Variants in OR52A5 observed in about 807,000 individuals in gnomAD.
The protein encoded by OR52A5 is olfactory receptor family 52 subfamily A member 5, also known as olfactory receptor 52A5.
In OR52A5, 16 loss-of-function variants were observed where a neutral mutation model predicts 18.2. The ratio of observed to expected loss-of-function variants is 0.88; its 90% CI spans 0.60 to 1.34. The LOEUF (loss-of-function observed/expected upper bound fraction) is 1.34. Ranked by LOEUF, OR52A5 falls within the 40% of genes most tolerant of loss-of-function variation. The pLI is 0.00. For synonymous variants in OR52A5, 140 were observed against 137.2 expected (o/e 1.02, Z -0.14); for missense variants, 418 against 383.0 (o/e 1.09, Z -0.76).
chr11:5,131,650 T>G lies in OR52A5; in HGVS notation c.*42A>C, dbSNP rs1846337756. The G allele has an allele frequency of 8.9e-6, 11 of 1,232,528 alleles. No homozygotes were observed. Among genetic ancestry groups the G allele is most frequent in the Non-Finnish European group, 1.3e-5 (11 of 866,584 alleles). The allele number at this position is 1,232,528 out of a possible 1,614,324, so 76.3% of individuals were successfully genotyped here. ...GTGACTTTCATTATATTTAGGTTTTTACTTAGAACCAACCCTAAATCTCTA... is the reference window on the plus strand; with the variant it reads ...GTGACTTTCATTATATTTAGGTTTTGACTTAGAACCAACCCTAAATCTCTA... On this transcript the variant is annotated 3_prime_UTR_variant, in exon 2 of 2. Coordinates refer to ENST00000307388, the MANE Select transcript of OR52A5 (RefSeq NM_001005160.3).
chr11:5,132,182 G>A lies in OR52A5; in HGVS notation c.461C>T (p.Ala154Val), dbSNP rs1554906302. 1.9e-6 allele frequency: 3 copies of A among 1,614,100 alleles called. No individual in the cohort carries two copies. In the South Asian group the frequency reaches 3.3e-5, roughly 18 times the overall value. ...TAAGGAAGGTATTATAAGAATGGCA[G>A]CCCTGAGTGTCACCCCAAGTCCAAT... ...THIGLGVTLR[A>V]AILIIPSLGL... The change falls in exon 2 of 2, where the codon GCT (alanine) becomes GTT (valine). Residue 154 changes from alanine to valine, a missense_variant. By Grantham distance (64) the Ala-to-Val change is moderately conservative. Transcript: ENST00000307388.
rs1161910797 is a variant in OR52A5 at position 5,130,129 on chromosome 11, A to C, written c.*1563T>G. The C allele has an allele frequency of 1.3e-5, 2 of 151,814 alleles. No homozygotes were observed. Among genetic ancestry groups the C allele is most frequent in the Non-Finnish European group, 2.9e-5 (2 of 67,934 alleles). The allele number at this position is 151,814 out of a possible 1,614,324, so 9.4% of individuals were successfully genotyped here. A position where few individuals can be genotyped will look rare whatever the true frequency, so the allele number is the denominator to read the frequency against. Reference sequence around the variant, plus strand: ...TATGTAATGTGTTTTTTTCTGATAGACCTATGTTGAAATTTTTATTTTCTG... The same window carrying C: ...TATGTAATGTGTTTTTTTCTGATAGCCCTATGTTGAAATTTTTATTTTCTG... On this transcript the variant is annotated 3_prime_UTR_variant, in exon 2 of 2. Coordinates refer to ENST00000307388, the MANE Select transcript of OR52A5 (RefSeq NM_001005160.3).
intron 1 of OR52A5, among the ~76,000 whole-genome samples, chr11:5,136,815 A>G (rs931502474): frequency 2.6e-5 from 4 of 152,228 alleles, no homozygotes; most frequent in African/African-American, 9.6e-5. Context: ...ATTCATTCAT[A>G]AACAGAAATA....
At position 5,129,405 on chromosome 11, in the gene OR52A5, T is replaced by C. The variant is rs941645712; in HGVS notation, c.*2287A>G. 2.6e-5 allele frequency: 4 copies of C among 152,148 alleles called. No homozygotes were observed. Among genetic ancestry groups the C allele is most frequent in the African/African-American group, 9.7e-5 (4 of 41,446 alleles). The allele number at this position is 152,148 out of a possible 1,614,324, so 9.4% of individuals were successfully genotyped here. A position where few individuals can be genotyped will look rare whatever the true frequency, so the allele number is the denominator to read the frequency against. On this transcript the variant is annotated 3_prime_UTR_variant, in exon 2 of 2. Transcript: ENST00000307388. ...AATGGAGAAACTCAGACCTTTTTGA[T>C]TCCTAGCTAGGATACCTATTTATCC...
chr11:5,131,643 AG>A lies in OR52A5; in HGVS notation c.*48del. 1 of 1,034,396 alleles carries A rather than the reference AG, an allele frequency of 9.7e-7. No homozygotes were observed. Among genetic ancestry groups the A allele is most frequent in the Non-Finnish European group, 1.4e-6 (1 of 691,672 alleles). 64.1% of individuals were successfully genotyped at this position (1,034,396 alleles called of 1,614,324 possible). ...TTGATCTGTGACTTTCATTATATTT[AG>A]GTTTTTACTTAGAACCAACCCTAAA... On this transcript the variant is annotated 3_prime_UTR_variant, in exon 2 of 2. Transcript: ENST00000307388.
chr11:5,131,933 C>T lies in OR52A5; in HGVS notation c.710G>A (p.Arg237Gln), dbSNP rs1846341256. ...TVFQLPQKEA[R>Q]FKAFNTCIAH... ...AATGCATGTATTAAAGGCCTTGAAT[C>T]GTGCCTCCTTCTGGGGCAGCTGAAA... is the stretch of plus-strand genomic sequence containing the variant. Residue 237 changes from arginine (R) to glutamine (Q), a missense_variant, in exon 2 of 2, where the codon CGA becomes CAA. Physicochemically the swap from Arg to Gln is conservative, Grantham distance 43. Transcript: ENST00000307388. The T allele has an allele frequency of 1.2e-6, 2 of 1,614,106 alleles. No homozygotes were observed. Among genetic ancestry groups the T allele is most frequent in the African/African-American group, 1.3e-5 (1 of 75,042 alleles).
intron 1 of OR52A5, among the ~76,000 whole-genome samples, chr11:5,137,399 G>A (rs1846401393): frequency 6.6e-6 from 1 of 152,096 alleles, no homozygotes; most frequent in South Asian, 2.1e-4. Flanking sequence ...CTCCCTCCTA[G>A]AGTTAATCCA....
Position 5,130,092 on chromosome 11 carries a change from T to C in OR52A5, c.*1600A>G, listed in dbSNP as rs1167201601. 2 of 152,166 alleles carry C rather than the reference T, an allele frequency of 1.3e-5. No homozygotes were observed. Among genetic ancestry groups the C allele is most frequent in the African/African-American group, 4.8e-5 (2 of 41,440 alleles). 9.4% of individuals were successfully genotyped at this position (152,166 alleles called of 1,614,324 possible). On this transcript the variant is annotated 3_prime_UTR_variant, in exon 2 of 2. Transcript: ENST00000307388. ...TACTCCAGAGAATGAAAAAAAAATA[T>C]GTCTTTTAGGATATGTAATGTGTTT...
chr11:5,129,041 G>C lies in OR52A5; in HGVS notation c.*2651C>G, dbSNP rs1333474691. 2.0e-5 allele frequency: 3 copies of C among 152,110 alleles called. No individual in the cohort carries two copies. Among genetic ancestry groups the C allele is most frequent in the Non-Finnish European group, 4.4e-5 (3 of 68,022 alleles). The allele number at this position is 152,110 out of a possible 1,614,324, so 9.4% of individuals were successfully genotyped here. A position where few individuals can be genotyped will look rare whatever the true frequency, so the allele number is the denominator to read the frequency against. Reference sequence around the variant, plus strand: ...ATCACCAAGGTATTCTGTTGTCTCAGCATGCTTCTGAGAATGTTACACACA... The same window carrying C: ...ATCACCAAGGTATTCTGTTGTCTCACCATGCTTCTGAGAATGTTACACACA... On this transcript the variant is annotated 3_prime_UTR_variant, in exon 2 of 2. Transcript: ENST00000307388.
rs1221037254 is a variant in OR52A5, at chr11:5,132,287, G to A, written c.356C>T (p.Ala119Val). The change falls in exon 2 of 2, where the codon GCA (alanine) becomes GTA (valine). Residue 119 changes from alanine to valine, a missense_variant. Coordinates refer to ENST00000307388, the MANE Select transcript of OR52A5 (RefSeq NM_001005160.3). The stretch of plus-strand genomic sequence containing the variant: ...GGCCACATAGCGATCCAGGGCCATT[G>A]CCAGAAGGATACCCGATTCAATTGC... ...FQAIESGILL[A>V]MALDRYVAIC... The A allele has an allele frequency of 1.2e-6, 2 of 1,614,188 alleles. No homozygotes were observed. Among genetic ancestry groups the A allele is most frequent in the Non-Finnish European group, 1.7e-6 (2 of 1,180,024 alleles).
chr11:5,136,163 A>G (rs2133526228), intron 1 of OR52A5, among the ~76,000 whole-genome samples: 1 of 152,342 alleles, frequency 6.6e-6, no homozygotes, highest in East Asian at 1.9e-4. Flanking sequence ...GCAAAAAGAG[A>G]CGATGAAGCA....
chr11:5,132,039 C>G lies in OR52A5; in HGVS notation c.604G>C (p.Gly202Arg). The G allele has an allele frequency of 1.2e-6, 2 of 1,614,118 alleles. No homozygotes were observed. Among genetic ancestry groups the G allele is most frequent in the Non-Finnish European group, 1.7e-6 (2 of 1,180,004 alleles). ...TEDIRVNKIY[G>R]LFVAFAILGF... ...AGGATTGCAAAGGCAACAAATAGGC[C>G]ATATATCTTGTTGACTCGGATATCT... The change falls in exon 2 of 2, where the codon GGC (glycine) becomes CGC (arginine). Residue 202 changes from glycine (G) to arginine (R), a missense_variant. Gly to Arg is a moderately radical substitution (Grantham distance 125, BLOSUM62 -2). Coordinates refer to ENST00000307388, the MANE Select transcript of OR52A5 (RefSeq NM_001005160.3).
At chr11:5,134,971 G>T (rs896872445) in intron 1 of OR52A5, among the ~76,000 whole-genome samples, 4 of 152,034 alleles carry the variant, frequency 2.6e-5, no homozygotes, top group Admixed American at 6.6e-5. Context: ...CCGGGTTCAC[G>T]CCATTCTCCT....
intron 1 of OR52A5, among the ~76,000 whole-genome samples, chr11:5,134,333 ATTTG>A (rs1166089565): frequency 6.6e-6 from 1 of 152,152 alleles, no homozygotes; most frequent in African/African-American, 2.4e-5. Context: ...TCAATTGTCT[ATTTG>A]TTTAATTTTT....
At chr11:5,133,527 G>C (rs1168503780) in intron 1 of OR52A5, among the ~76,000 whole-genome samples, 1 of 147,340 alleles carries the variant, frequency 6.8e-6, no homozygotes, top group Non-Finnish European at 1.5e-5. Context: ...TTCTCATATA[G>C]GCTCAAAATT....
At chr11:5,132,945 A>G (rs989990906) in intron 1 of OR52A5, among the ~76,000 whole-genome samples, 1 of 152,182 alleles carries the variant, frequency 6.6e-6, no homozygotes, top group Non-Finnish European at 1.5e-5. Context: ...TGGATCAACA[A>G]TATTTTATGT....
At position 5,133,859 on chromosome 11, in the gene OR52A5, T is replaced by G. The variant is rs564536449; in HGVS notation, c.-60-1157A>C. 9.2e-5 allele frequency among the ~76,000 whole-genome samples: 14 copies of G among 152,302 alleles called. No individual in the cohort carries two copies. The South Asian group carries it at 2.9e-3, about 32-fold the overall frequency. On this transcript the variant is annotated intron_variant, in intron 1 of 1. Transcript: ENST00000307388. ...AACTCTCTAAGAAATATTATAATTT[T>G]TTTCTTTACATAAAACTTTATATAT... is the stretch of plus-strand genomic sequence containing the variant.
In OR52A5 at chr11:5,132,092, T is replaced by C. The variant is rs1846343497; in HGVS notation, c.551A>G (p.His184Arg). 3 of 1,614,204 alleles carry C rather than the reference T, an allele frequency of 1.9e-6. No individual in the cohort carries two copies. The highest frequency in any genetic ancestry group is 2.5e-6 in the Non-Finnish European group (3 of 1,180,040). The change falls in exon 2 of 2, where the codon CAC becomes CGC. Residue 184 changes from histidine (H) to arginine (R), a missense_variant. Transcript: ENST00000307388. ...AGTAGCCAGCTTCACGATGGCCATG[T>C]GCTCACAGTAAGAGTGAGAGATGAC... is the stretch of plus-strand genomic sequence containing the variant. ...TTVISHSYCE[H>R]MAIVKLATED...
Position 5,128,997 on chromosome 11 carries a change from A to G in OR52A5, c.*2695T>C, listed in dbSNP as rs1228925420. 1 of 152,120 alleles carries G rather than the reference A, an allele frequency of 6.6e-6. No individual in the cohort carries two copies. Among genetic ancestry groups the G allele is most frequent in the Non-Finnish European group, 1.5e-5 (1 of 68,010 alleles). The allele number at this position is 152,120 out of a possible 1,614,324, so 9.4% of individuals were successfully genotyped here. On this transcript the variant is annotated 3_prime_UTR_variant, in exon 2 of 2. Transcript: ENST00000307388. The stretch of plus-strand genomic sequence containing the variant: ...GGCATGTGAATTCCATCTCAGTAAA[A>G]ATAAACAATTGAATAAAGATCACCA...
Sources: allele counts gnomAD v4.1 joint callset (sites outside exome capture counted in the v4.1 genomes callset), GRCh38; gene constraint gnomAD v4.1.1; transcripts MANE v1.5; gene names NCBI Gene and HGNC (gene_info 2026-07-23, HGNC 2026-07-21).